MRAP2: variants seen among roughly 807,000 people sequenced by gnomAD.
The protein encoded by MRAP2 is melanocortin-2 receptor accessory protein 2.
MRAP2 carries 20 observed loss-of-function variants against 17.4 expected under a neutral mutation model. The observed-to-expected ratio is 1.15, with a 90% CI of 0.81 to 1.67. MRAP2 has a LOEUF of 1.67. Among genes scored for constraint, MRAP2 ranks in the 40% most tolerant of loss-of-function variants. The pLI, the probability that MRAP2 is intolerant of heterozygous loss-of-function variation, is 0.00. For missense variants in MRAP2, 238 were observed against 240.0 expected (o/e 0.99, Z 0.05); for synonymous variants, 96 against 88.4 (o/e 1.09, Z -0.48).
the MRAP2 span, chr6:84,126,289 A>T: frequency 1.6e-3 from 1,425 of 891,608 alleles, 17 homozygotes; most frequent in African/African-American, 0.023. Flanking sequence ...TTTAAGTGGT[A>T]ATTTTTGCTA....
At chr6:84,102,621 C>T in the MRAP2 span, among the ~76,000 whole-genome samples, 1 of 152,072 alleles carries the variant, frequency 6.6e-6, no homozygotes, top group Non-Finnish European at 1.5e-5. Flanking sequence ...AACTGTAAGA[C>T]GATAAGCTTG....
the MRAP2 span, among the ~76,000 whole-genome samples, chr6:84,112,696 G>A: frequency 0.022 from 3,298 of 152,174 alleles, 121 homozygotes; most frequent in African/African-American, 0.075. Flanking sequence ...TGATGTTAGG[G>A]TGTTGATTTT....
chr6:84,088,159 A>C (rs148855154), intron 3 of MRAP2, among the ~76,000 whole-genome samples: 37 of 152,288 alleles, frequency 2.4e-4, no homozygotes, highest in Non-Finnish European at 4.6e-4. Flanking sequence ...GATTTTTGTC[A>C]GGTTCTGTTC....
the MRAP2 span, among the ~76,000 whole-genome samples, chr6:84,134,080 A>G: frequency 2.0e-5 from 3 of 152,218 alleles, no homozygotes; most frequent in African/African-American, 4.8e-5. Flanking sequence ...CTAGAGAGGC[A>G]TTCCGGCTAT....
chr6:84,134,919 T>TACAC, the MRAP2 span, among the ~76,000 whole-genome samples: 723 of 148,352 alleles, frequency 4.9e-3, 9 homozygotes, highest in African/African-American at 0.012. Flanking sequence ...AGATCATATA[T>TACAC]ACACACACAC....
chr6:84,094,154 G>A (rs2099502261), downstream of MRAP2, among the ~76,000 whole-genome samples: 1 of 152,082 alleles, frequency 6.6e-6, no homozygotes, highest in Non-Finnish European at 1.5e-5. Flanking sequence ...GTACTTAAAT[G>A]GATAAAATGA....
intron 1 of MRAP2, among the ~76,000 whole-genome samples, chr6:84,041,102 G>A (rs933179709): frequency 7.9e-5 from 12 of 152,190 alleles, no homozygotes; most frequent in African/African-American, 2.9e-4. Context: ...TTGGTGCCCT[G>A]CATCCTAGTC....
At chr6:84,098,364 A>G in the MRAP2 span, among the ~76,000 whole-genome samples, 1 of 151,992 alleles carries the variant, frequency 6.6e-6, no homozygotes, top group African/African-American at 2.4e-5. Context: ...TTATTTGTTG[A>G]TGGATATTTG....
chr6:84,082,308 A>G (rs2129174377), intron 3 of MRAP2, among the ~76,000 whole-genome samples: 1 of 152,288 alleles, frequency 6.6e-6, no homozygotes, highest in East Asian at 1.9e-4. Context: ...TTAGAAATAT[A>G]ACTTTTTCTC....
chr6:84,117,398 G>A, the MRAP2 span, among the ~76,000 whole-genome samples: 2 of 152,082 alleles, frequency 1.3e-5, no homozygotes, highest in African/African-American at 4.8e-5. Flanking sequence ...AATGAGTTAG[G>A]GAGGAGTATC....
the MRAP2 span, among the ~76,000 whole-genome samples, chr6:84,130,173 A>G: frequency 2.6e-5 from 4 of 152,168 alleles, no homozygotes; most frequent in Non-Finnish European, 5.9e-5. Context: ...TGATTTGCGT[A>G]TGGTGAACCA....
chr6:84,095,221 A>G (rs1269168424), downstream of MRAP2, among the ~76,000 whole-genome samples: 4 of 152,208 alleles, frequency 2.6e-5, no homozygotes, highest in Non-Finnish European at 5.9e-5. Context: ...CCTTTACCTC[A>G]GAAGGAGATA....
At chr6:84,033,688 G>C, upstream of MRAP2, 1 of 985,272 alleles carries the variant, frequency 1.0e-6, no homozygotes, top group Non-Finnish European at 1.2e-6. Context: ...CGGCTCCCGC[G>C]CTGCAGCCCT....
chr6:84,043,674 AGTGG>A (rs939493073), intron 1 of MRAP2, among the ~76,000 whole-genome samples: 1 of 87,266 alleles, frequency 1.1e-5, no homozygotes, highest in African/African-American at 4.6e-5. Context: ...GTGTGGGGTG[AGTGG>A]GTGGGTGGGT....
chr6:84,124,888 A>C, the MRAP2 span: 24 of 605,518 alleles, frequency 4.0e-5, no homozygotes, highest in Non-Finnish European at 6.8e-5. Context: ...TTTTAGTAAA[A>C]TACACCATTA....
intron 3 of MRAP2, among the ~76,000 whole-genome samples, chr6:84,077,203 G>A (rs890483732): frequency 6.6e-6 from 1 of 152,182 alleles, no homozygotes; most frequent in Non-Finnish European, 1.5e-5. Context: ...AGTAAAATAT[G>A]GCAAGAGCAC....
At chr6:84,049,023 T>C (rs923710803) in intron 1 of MRAP2, among the ~76,000 whole-genome samples, 4 of 152,190 alleles carry the variant, frequency 2.6e-5, no homozygotes, top group Non-Finnish European at 5.9e-5. Flanking sequence ...ATGGAGACTT[T>C]ACAGCTTCTT....
chr6:84,125,374 G>C, the MRAP2 span: 2 of 974,916 alleles, frequency 2.1e-6, no homozygotes, highest in Non-Finnish European at 3.2e-6. Flanking sequence ...GTTTCTTTGG[G>C]GAACTCAGGT....
chr6:84,124,584 G>C, the MRAP2 span: 2 of 173,884 alleles, frequency 1.2e-5, no homozygotes, highest in African/African-American at 2.4e-5. Context: ...ATAGGGGAAA[G>C]AGTGTGAGCG....
Sources: gnomAD v4.1 joint callset for allele counts (sites outside exome capture counted in the v4.1 genomes callset) on GRCh38, gnomAD v4.1.1 for gene constraint, MANE v1.5 for transcripts, NCBI Gene and HGNC (gene_info 2026-07-23, HGNC 2026-07-21) for gene names.